LRIG2: variants seen among roughly 807,000 people sequenced by gnomAD.
LRIG2 encodes leucine rich repeats and immunoglobulin like domains 2.
In LRIG2, 93 loss-of-function variants were observed where a neutral mutation model predicts 107.8. That is an observed-to-expected ratio of 0.86 (90% confidence interval 0.73 to 1.03). The LOEUF is 1.03. Among genes scored for constraint, LRIG2 ranks in the 50% least tolerant of loss-of-function variants. LRIG2 has a pLI of 0.00. For missense variants in LRIG2, 1,226 were observed against 1,296.0 expected, an observed-to-expected ratio of 0.95 and a Z score of 0.83; for synonymous variants, 471 against 470.6, an observed-to-expected ratio of 1.00 and a Z score of -0.01.
chr1:113,112,487 T>C lies in LRIG2; in HGVS notation c.1807T>C (p.Ser603Pro), dbSNP rs1439458242. 1 of 1,597,398 alleles carries C rather than the reference T, an allele frequency of 6.3e-7. No homozygotes were observed. The highest frequency in any genetic ancestry group is 8.6e-7 in the Non-Finnish European group (1 of 1,167,356). ...GATTTTTCTGGAAACAGAGATGCCA[T>C]CTTTTCTGAAAACGCCAATGGATCT... ...KAKLTVNEMP[S>P]FLKTPMDLTI... is the part of the protein sequence containing the mutation. Residue 603 changes from serine (S) to proline (P), a missense_variant, in exon 14 of 18, where the codon TCT (serine) becomes CCT (proline). Transcript: ENST00000361127.
At chr1:113,098,313 A>G (rs1216808) in intron 8 of LRIG2, among the ~76,000 whole-genome samples, 139,206 of 152,216 alleles carry the variant, frequency 0.91, 64,533 homozygotes, top group Non-Finnish European at 0.98. Flanking sequence ...CAGAAATCCC[A>G]TTAATCTGAA....
chr1:113,093,173 T>G, intron 2 of LRIG2, 33 bp from the exon 3 acceptor site: 1 of 1,392,368 alleles, frequency 7.2e-7, no homozygotes, highest in Non-Finnish European at 1.0e-6. Context: ...TTTCCCTCAC[T>G]AAACATTTAA....
chr1:113,075,414 CAA>C (rs1652930764), intron 1 of LRIG2, among the ~76,000 whole-genome samples: 1 of 152,114 alleles, frequency 6.6e-6, no homozygotes, highest in Non-Finnish European at 1.5e-5. Context: ...CATAAATAAT[CAA>C]ATCTTTTAGT....
rs976013294 is a variant in LRIG2 at position 113,093,713 on chromosome 1, T to G, written c.515+149T>G. 1.6e-4 allele frequency: 58 copies of G among 358,464 alleles called. No homozygotes were observed. The South Asian group carries it at 1.7e-3, about 11-fold the overall frequency. The allele number at this position is 358,464 out of a possible 1,614,324, so 22.2% of individuals were successfully genotyped here. A position where few individuals can be genotyped will look rare whatever the true frequency, so the allele number is the denominator to read the frequency against. ...GGGTGCAGCGCACCAGCATGGCACA[T>G]GTATACATATGTAACTAACCTGCAC... On this transcript the variant is annotated intron_variant, in intron 4 of 17. Transcript: ENST00000361127.
chr1:113,100,762 T>G (rs896916162), intron 11 of LRIG2: 4 of 263,148 alleles, frequency 1.5e-5, no homozygotes, highest in Non-Finnish European at 3.0e-5. Flanking sequence ...TTATGCTTTA[T>G]GTATACCCTA....
rs538545244 is a variant in LRIG2, at chr1:113,114,928, G to A, written c.2530+52G>A. On this transcript the variant is annotated intron_variant, in intron 15 of 17. Transcript: ENST00000361127. ...GGCTTGTACTTCAGTCAAGAATGTA[G>A]TATAGGATTAATTGTACAATATAAA... 101 of 1,397,162 alleles carry A rather than the reference G, an allele frequency of 7.2e-5. No individual in the cohort carries two copies. In the Admixed American group the frequency reaches 9.7e-4, roughly 13 times the overall value. The allele number at this position is 1,397,162 out of a possible 1,614,324, so 86.5% of individuals were successfully genotyped here. A position where few individuals can be genotyped will look rare whatever the true frequency, so the allele number is the denominator to read the frequency against.
chr1:113,118,751 G>A (rs1253609851), intron 16 of LRIG2, among the ~76,000 whole-genome samples: 1 of 151,500 alleles, frequency 6.6e-6, no homozygotes. Context: ...TGCAAGCTCC[G>A]CCTCCCGGGT....
At chr1:113,117,771 G>A (rs966161248) in intron 16 of LRIG2, among the ~76,000 whole-genome samples, 11 of 151,968 alleles carry the variant, frequency 7.2e-5, no homozygotes, top group Non-Finnish European at 1.2e-4. Context: ...ATGAGCCACC[G>A]CACCTGGCTG....
At chr1:113,074,505 T>C (rs1652865197) in intron 1 of LRIG2, among the ~76,000 whole-genome samples, 1 of 152,204 alleles carries the variant, frequency 6.6e-6, no homozygotes, top group East Asian at 1.9e-4. Context: ...CAGCAGGTAT[T>C]AAATGCTGCA....
rs555567384 is a variant in LRIG2 at position 113,126,103 on chromosome 1, G to A, written c.*2002G>A. 1 of 152,262 alleles carries A rather than the reference G, an allele frequency of 6.6e-6. No individual in the cohort carries two copies. The highest frequency in any genetic ancestry group is 1.9e-4 in the East Asian group (1 of 5,188). 9.4% of individuals were successfully genotyped at this position (152,262 alleles called of 1,614,324 possible). A position where few individuals can be genotyped will look rare whatever the true frequency, so the allele number is the denominator to read the frequency against. Reference sequence around the variant, plus strand: ...TTCACCATTTCTGATTGTGTCTGGAGAACGTTTTCCTGGAAAGGCATTCCA... The same window carrying A: ...TTCACCATTTCTGATTGTGTCTGGAAAACGTTTTCCTGGAAAGGCATTCCA... On this transcript the variant is annotated 3_prime_UTR_variant, in exon 18 of 18. Coordinates refer to ENST00000361127, the MANE Select transcript of LRIG2 (RefSeq NM_014813.3).
chr1:113,127,885 A>C lies in LRIG2; in HGVS notation c.*3784A>C, dbSNP rs1314793452. The C allele has an allele frequency of 6.6e-6, 1 of 152,094 alleles. No homozygotes were observed. Among genetic ancestry groups the C allele is most frequent in the Non-Finnish European group, 1.5e-5 (1 of 68,022 alleles). 9.4% of individuals were successfully genotyped at this position (152,094 alleles called of 1,614,324 possible). A position where few individuals can be genotyped will look rare whatever the true frequency, so the allele number is the denominator to read the frequency against. ...GCCCGGCCGGTCCTTATTTTATACAAGTGATTAAGCCAAAAATTTTCTTGA... is the reference window on the plus strand; with the variant it reads ...GCCCGGCCGGTCCTTATTTTATACACGTGATTAAGCCAAAAATTTTCTTGA... On this transcript the variant is annotated 3_prime_UTR_variant, in exon 18 of 18. Coordinates refer to ENST00000361127, the MANE Select transcript of LRIG2 (RefSeq NM_014813.3).
chr1:113,096,595 G>A (rs760672222), intron 8 of LRIG2, among the ~76,000 whole-genome samples: 1 of 152,266 alleles, frequency 6.6e-6, no homozygotes, highest in South Asian at 2.1e-4. Context: ...AATCCCATAA[G>A]CATCAAAGCA....
chr1:113,102,295 C>G (rs1654339981), intron 11 of LRIG2, among the ~76,000 whole-genome samples: 1 of 149,738 alleles, frequency 6.7e-6, no homozygotes, highest in East Asian at 2.0e-4. Context: ...TTTTGAGATG[C>G]AATCTCGCTC....
rs146108587 is a variant in LRIG2 at position 113,119,312 on chromosome 1, A to C, written c.2760A>C (p.Pro920=). 29 of 1,614,000 alleles carry C rather than the reference A, an allele frequency of 1.8e-5. No individual in the cohort carries two copies. The highest frequency in any genetic ancestry group is 1.6e-4 in the Middle Eastern group (1 of 6,084). The change falls in exon 17 of 18, where the codon CCA becomes CCC. Residue 920 remains proline (P), a synonymous_variant. Coordinates refer to ENST00000361127, the MANE Select transcript of LRIG2 (RefSeq NM_014813.3). ...ACTCCAGGACCCGAGAATACTGTCC[A>C]TACACCTATATTGCTGAGGAGGACG... ...NIYSRTREYC[P]YTYIAEEDVL...
In LRIG2 at chr1:113,110,713, G is replaced by A. The variant is rs1654739402; in HGVS notation, c.1798+151G>A. On this transcript the variant is annotated intron_variant, in intron 13 of 17. Coordinates refer to ENST00000361127, the MANE Select transcript of LRIG2 (RefSeq NM_014813.3). ...AGTTGTGATAACTTATCAAGTGGGT[G>A]GGATTTTTGGATTAGTCAGTCTGCC... is the stretch of plus-strand genomic sequence containing the variant. 4 of 669,172 alleles carry A rather than the reference G, an allele frequency of 6.0e-6. No individual in the cohort carries two copies. The Admixed American group carries it at 9.0e-5, about 15-fold the overall frequency. 41.5% of individuals were successfully genotyped at this position (669,172 alleles called of 1,614,324 possible).
chr1:113,086,248 A>T (rs879265678), intron 1 of LRIG2, among the ~76,000 whole-genome samples: 5 of 151,850 alleles, frequency 3.3e-5, no homozygotes, highest in Non-Finnish European at 7.4e-5. Flanking sequence ...CAGGTGATCC[A>T]CACGCCTCGG....
At chr1:113,096,413 G>C (rs1345168522) in intron 8 of LRIG2, 48 bp downstream of exon 8, 1 of 1,564,286 alleles carries the variant, frequency 6.4e-7, no homozygotes, top group East Asian at 2.2e-5. Context: ...GATTTTTTTA[G>C]TACAATAAAG....
chr1:113,110,597 A>G, intron 13 of LRIG2, 35 bp downstream of exon 13: 1 of 1,475,614 alleles, frequency 6.8e-7, no homozygotes, highest in Non-Finnish European at 9.3e-7. Context: ...TTTTTAGTTT[A>G]GAAGGATTTT....
intron 13 of LRIG2, among the ~76,000 whole-genome samples, chr1:113,112,101 TGAGGTTC>T (rs67386004): frequency 0.75 from 113,762 of 151,322 alleles, 44,394 homozygotes; most frequent in East Asian, 0.94. Context: ...CCAAATACTC[TGAGGTTC>T]TGGAAGAAAA....
Sources: allele counts gnomAD v4.1 joint callset (sites outside exome capture counted in the v4.1 genomes callset), GRCh38; gene constraint gnomAD v4.1.1; transcripts MANE v1.5; gene names NCBI Gene and HGNC (gene_info 2026-07-23, HGNC 2026-07-21).